Variants in SYNJ1 observed in about 807,000 individuals in gnomAD.
SYNJ1 encodes the protein polyphosphatidylinositol phosphatase SYNJ1.
Under a neutral mutation model 168.2 loss-of-function variants are expected in SYNJ1, and 78 were observed. The observed-to-expected ratio is 0.46, with a 90% confidence interval of 0.39 to 0.56. The LOEUF (loss-of-function observed/expected upper bound fraction) is 0.56, where lower values mean the gene tolerates loss of function less well. Among genes scored for constraint, SYNJ1 ranks in the 20% least tolerant of loss-of-function variants. The pLI is 0.00. For synonymous variants in SYNJ1, 539 were observed against 548.6 expected (o/e 0.98, Z 0.24); for missense variants, 1,303 against 1,597.6 (o/e 0.82, Z 3.14).
At chr21:32,715,683 T>C (rs1476151425) in intron 2 of SYNJ1, among the ~76,000 whole-genome samples, 1 of 152,138 alleles carries the variant, frequency 6.6e-6, no homozygotes, top group Non-Finnish European at 1.5e-5. Flanking sequence ...CACACCTTTA[T>C]ATATAAAAAG....
intron 31 of SYNJ1, among the ~76,000 whole-genome samples, chr21:32,638,298 T>C (rs2039670294): frequency 6.6e-6 from 1 of 152,192 alleles, no homozygotes; most frequent in African/African-American, 2.4e-5. Flanking sequence ...ACTTGCAGGC[T>C]CAAGGGATCT....
chr21:32,645,908 G>T, intron 24 of SYNJ1, 119 bp from the exon 25 acceptor site: 1 of 1,399,946 alleles, frequency 7.1e-7, no homozygotes, highest in Non-Finnish European at 9.9e-7. Flanking sequence ...TAAAGAAAGG[G>T]CATGTATTTT....
intron 4 of SYNJ1, 111 bp downstream of exon 4, chr21:32,699,727 C>T (rs1421318497): frequency 5.2e-6 from 7 of 1,339,770 alleles, no homozygotes; most frequent in Non-Finnish European, 7.1e-6. Flanking sequence ...CATCGAGGGT[C>T]TTCAGGGTTC....
intron 1 of SYNJ1, among the ~76,000 whole-genome samples, chr21:32,727,234 C>T (rs1601564111): frequency 6.6e-6 from 1 of 152,190 alleles, no homozygotes; most frequent in Non-Finnish European, 1.5e-5. Context: ...CGTATTTCGT[C>T]CGGAGCTGTT....
chr21:32,664,304 A>G (rs1224793541), intron 18 of SYNJ1, among the ~76,000 whole-genome samples: 3 of 152,202 alleles, frequency 2.0e-5, no homozygotes, highest in Non-Finnish European at 2.9e-5. Context: ...AAAGGGGGGA[A>G]TAAGGGAGGA....
chr21:32,724,645 G>A (rs767331257), intron 2 of SYNJ1, among the ~76,000 whole-genome samples: 53 of 152,234 alleles, frequency 3.5e-4, no homozygotes, highest in Non-Finnish European at 6.8e-4. Context: ...GAATACAATA[G>A]GCATTTTTAA....
intron 23 of SYNJ1, 103 bp downstream of exon 23, chr21:32,650,081 G>C: frequency 7.2e-7 from 1 of 1,379,424 alleles, no homozygotes; most frequent in Non-Finnish European, 9.8e-7. Context: ...TGCTATGTAC[G>C]TCCCAAGAAG....
At chr21:32,686,361 A>T (rs1037827634) in intron 8 of SYNJ1, among the ~76,000 whole-genome samples, 1 of 152,192 alleles carries the variant, frequency 6.6e-6, no homozygotes, top group Non-Finnish European at 1.5e-5. Flanking sequence ...ATGCTTTTGG[A>T]CTTAGGAGAT....
chr21:32,634,954 A>G (rs2039500354), intron 31 of SYNJ1, 70 bp from the exon 32 acceptor site: 3 of 1,524,956 alleles, frequency 2.0e-6, no homozygotes, highest in Non-Finnish European at 2.7e-6. Context: ...AGCAACCCTA[A>G]CAATTCAGTC....
chr21:32,645,865 T>C (rs2040044227), intron 24 of SYNJ1, 76 bp from the exon 25 acceptor site: 3 of 1,511,464 alleles, frequency 2.0e-6, no homozygotes, highest in Non-Finnish European at 2.7e-6. Flanking sequence ...TTCATATATA[T>C]GTGTAATGTT....
intron 6 of SYNJ1, among the ~76,000 whole-genome samples, chr21:32,693,146 C>T (rs2042085289): frequency 6.6e-6 from 1 of 152,166 alleles, no homozygotes; most frequent in South Asian, 2.1e-4. Flanking sequence ...CTAACACTAG[C>T]CTGTCCCTAA....
intron 11 of SYNJ1, 148 bp downstream of exon 11, chr21:32,681,348 C>A (rs1160298909): frequency 3.4e-6 from 3 of 871,702 alleles, no homozygotes; most frequent in South Asian, 2.5e-5. Context: ...AAGGAAGTAT[C>A]AAAGAAGGCA....
chr21:32,645,772 G>C lies in SYNJ1; in HGVS notation c.3265C>G (p.Gln1089Glu). ...PSAQSSPIDA[Q>E]PATPLPQKDP... is the part of the protein sequence containing the mutation. ...TTCTGCGGCAGCGGCGTTGCTGGCT[G>C]CGCGTCAATAGGAGAACCTAAAAAG... The change falls in exon 25 of 33, where the codon CAG becomes GAG. Residue 1089 changes from glutamine to glutamate, a missense_variant. By Grantham distance (29) the Gln-to-Glu change is conservative. Coordinates refer to ENST00000674351, the MANE Select transcript of SYNJ1 (RefSeq NM_203446.3). 1 of 1,470,532 alleles carries C rather than the reference G, an allele frequency of 6.8e-7. No homozygotes were observed. The highest frequency in any genetic ancestry group is 9.0e-7 in the Non-Finnish European group (1 of 1,108,728). The allele number at this position is 1,470,532 out of a possible 1,614,324, so 91.1% of individuals were successfully genotyped here. A position where few individuals can be genotyped will look rare whatever the true frequency, so the allele number is the denominator to read the frequency against.
At chr21:32,670,218 CT>C in intron 15 of SYNJ1, 69 bp downstream of exon 15, 1 of 1,220,168 alleles carries the variant, frequency 8.2e-7, no homozygotes, top group Non-Finnish European at 1.2e-6. Flanking sequence ...GTAACAATTA[CT>C]TAATTATCTG....
intron 13 of SYNJ1, among the ~76,000 whole-genome samples, chr21:32,674,067 C>A (rs911913441): frequency 6.6e-6 from 1 of 152,146 alleles, no homozygotes; most frequent in Non-Finnish European, 1.5e-5. Flanking sequence ...AAAATGAAAT[C>A]ACTACTAAAT....
chr21:32,634,792 C>T (rs552801711), intron 32 of SYNJ1, 69 bp downstream of exon 32: 12 of 1,527,754 alleles, frequency 7.9e-6, no homozygotes, highest in Middle Eastern at 3.4e-4. Flanking sequence ...ATGTATGAAG[C>T]AGAGATTCAT....
intron 32 of SYNJ1, among the ~76,000 whole-genome samples, chr21:32,633,060 T>C (rs1162056950): frequency 6.6e-6 from 1 of 152,064 alleles, no homozygotes; most frequent in Admixed American, 6.6e-5. Context: ...CAACTTTCCA[T>C]AAAAAAATTG....
intron 2 of SYNJ1, among the ~76,000 whole-genome samples, chr21:32,725,349 AT>A (rs1189741477): frequency 1.3e-5 from 2 of 152,210 alleles, no homozygotes; most frequent in Non-Finnish European, 2.9e-5. Context: ...GTAGTAAAAA[AT>A]ATATGCAATG....
chr21:32,685,440 A>T lies in SYNJ1; in HGVS notation c.1118+308T>A, dbSNP rs889108863. Among the ~76,000 whole-genome samples the T allele has an allele frequency of 7.4e-5, 11 of 148,464 alleles. 1 individual carries two copies. Among genetic ancestry groups the T allele is most frequent in the Middle Eastern group, 6.8e-3 (2 of 292 alleles). On this transcript the variant is annotated intron_variant, in intron 9 of 32. Coordinates refer to ENST00000674351, the MANE Select transcript of SYNJ1 (RefSeq NM_203446.3). ...CCGTCTCTACCAAAAAAAAAAAAAAAAAAAAAAAATAAGCCAGGCATGGTG... is the reference window on the plus strand; with the variant it reads ...CCGTCTCTACCAAAAAAAAAAAAAATAAAAAAAAATAAGCCAGGCATGGTG...
Sources: gnomAD v4.1 joint callset for allele counts (sites outside exome capture counted in the v4.1 genomes callset) on GRCh38, gnomAD v4.1.1 for gene constraint, MANE v1.5 for transcripts, NCBI Gene and HGNC (gene_info 2026-07-23, HGNC 2026-07-21) for gene names.